Variants in MIPOL1 observed in about 807,000 individuals in gnomAD.
MIPOL1 encodes the protein mirror-image polydactyly gene 1 protein.
A neutral mutation model predicts 60.9 loss-of-function variants in MIPOL1; 57 were observed. The ratio of observed to expected loss-of-function variants is 0.94; its 90% confidence interval spans 0.76 to 1.17. The LOEUF is 1.17. Ranked by LOEUF, MIPOL1 falls within the 50% of genes most tolerant of loss-of-function variation. The pLI is 0.00. For missense variants in MIPOL1, 551 were observed against 511.6 expected (o/e 1.08, Z -0.74); for synonymous variants, 179 against 168.8 (o/e 1.06, Z -0.47).
At position 37,458,305 on chromosome 14, in the gene MIPOL1, T is replaced by C. The variant is rs139298949; in HGVS notation, c.1031+35356T>C. 6.0e-4 allele frequency among the ~76,000 whole-genome samples: 92 copies of C among 152,306 alleles called. No individual in the cohort carries two copies. In the Middle Eastern group the frequency reaches 0.014, roughly 23 times the overall value. On this transcript the variant is annotated intron_variant, in intron 11 of 12. Transcript: ENST00000684589. ...GAAATTCTGGGCTTAAGCTAAGCTC[T>C]AGACCAAATGAAACTAATAGACATT...
At chr14:37,324,542 A>G (rs1484704139) in intron 9 of MIPOL1, among the ~76,000 whole-genome samples, 3 of 152,076 alleles carry the variant, frequency 2.0e-5, no homozygotes, top group Admixed American at 2.0e-4. Context: ...TCTTAATACC[A>G]TCTTTTGATG....
intron 9 of MIPOL1, among the ~76,000 whole-genome samples, chr14:37,368,243 T>G (rs2092538015): frequency 6.6e-6 from 1 of 152,102 alleles, no homozygotes; most frequent in South Asian, 2.1e-4. Flanking sequence ...TATAATTGTA[T>G]TATATATGTA....
At chr14:37,430,499 T>C (rs2094041780) in intron 11 of MIPOL1, among the ~76,000 whole-genome samples, 1 of 61,750 alleles carries the variant, frequency 1.6e-5, no homozygotes, top group Non-Finnish European at 5.7e-5. Context: ...AAAATTAAAA[T>C]AGTTTTTTTT....
intron 10 of MIPOL1, among the ~76,000 whole-genome samples, chr14:37,382,218 T>A (rs1232752325): frequency 6.6e-6 from 1 of 152,074 alleles, no homozygotes; most frequent in Non-Finnish European, 1.5e-5. Flanking sequence ...ATAAGTGATA[T>A]ATTAAATTCT....
Position 37,270,424 on chromosome 14 carries a change from A to C in MIPOL1, c.392A>C (p.Gln131Pro). The change falls in exon 6 of 13, where the codon CAG becomes CCG. Residue 131 changes from glutamine (Q) to proline (P), a missense_variant. Coordinates refer to ENST00000684589, the MANE Select transcript of MIPOL1 (RefSeq NM_001388067.1). ...DILRTSNKKL[Q>P]QKLAKEDKEQ... is the part of the protein sequence containing the mutation. The stretch of plus-strand genomic sequence containing the variant: ...ATTTTTTTCAATGTGCTTTAGCTTC[A>C]GCAGAAATTGGCTAAAGAAGATAAA... 6.4e-7 allele frequency: 1 copy of C among 1,553,606 alleles called. No individual in the cohort carries two copies. The highest frequency in any genetic ancestry group is 1.2e-5 in the South Asian group (1 of 83,510).
chr14:37,225,563 CAG>C (rs1969569368), intron 1 of MIPOL1, among the ~76,000 whole-genome samples: 1 of 152,208 alleles, frequency 6.6e-6, no homozygotes, highest in African/African-American at 2.4e-5. Context: ...AACTGGGACA[CAG>C]GGCACCAAGT....
At position 37,551,137 on chromosome 14, in the gene MIPOL1, T is replaced by G. The variant is rs1440849102; in HGVS notation, c.*4166T>G. 9 of 152,130 alleles carry G rather than the reference T, an allele frequency of 5.9e-5. No homozygotes were observed. The East Asian group carries it at 1.7e-3, about 29-fold the overall frequency. The allele number at this position is 152,130 out of a possible 1,614,324, so 9.4% of individuals were successfully genotyped here. A position where few individuals can be genotyped will look rare whatever the true frequency, so the allele number is the denominator to read the frequency against. ...TATAGTTTTGGTGTATGCTGGTATT[T>G]TAGAAGCCACCAATTTCTGGACTAT... On this transcript the variant is annotated 3_prime_UTR_variant, in exon 13 of 13. Transcript: ENST00000684589.
intron 9 of MIPOL1, among the ~76,000 whole-genome samples, chr14:37,328,052 G>A (rs749102925): frequency 3.0e-4 from 45 of 151,588 alleles, no homozygotes; most frequent in Non-Finnish European, 4.9e-4. Flanking sequence ...CGCTCTTGTT[G>A]CCCAGGCTGG....
chr14:37,543,024 T>G (rs2095535520), intron 12 of MIPOL1, among the ~76,000 whole-genome samples: 1 of 152,030 alleles, frequency 6.6e-6, no homozygotes, highest in Non-Finnish European at 1.5e-5. Flanking sequence ...CCAGCGAAAA[T>G]CTACTGTTCT....
chr14:37,534,078 CAAAAAAAA>C (rs564604002), intron 12 of MIPOL1, among the ~76,000 whole-genome samples: 2 of 69,444 alleles, frequency 2.9e-5, no homozygotes, highest in Non-Finnish European at 7.3e-5. Flanking sequence ...GACTCCATCT[CAAAAAAAA>C]AAAAAAAAAG....
chr14:37,273,258 T>G (rs937132136), intron 6 of MIPOL1, among the ~76,000 whole-genome samples: 8 of 151,002 alleles, frequency 5.3e-5, no homozygotes, highest in South Asian at 2.1e-4. Context: ...GAGGCAAATG[T>G]TGGTGGTCTT....
At chr14:37,469,957 T>C (rs1048943174) in intron 11 of MIPOL1, among the ~76,000 whole-genome samples, 1 of 152,024 alleles carries the variant, frequency 6.6e-6, no homozygotes, top group Admixed American at 6.5e-5. Context: ...TGGACTAAGA[T>C]GGGGATGGAA....
chr14:37,253,531 T>TA (rs1037702421), intron 3 of MIPOL1, among the ~76,000 whole-genome samples: 3 of 151,548 alleles, frequency 2.0e-5, no homozygotes, highest in South Asian at 4.2e-4. Flanking sequence ...ATACATAAAA[T>TA]AAAAAAAATT....
intron 10 of MIPOL1, among the ~76,000 whole-genome samples, chr14:37,411,134 A>G (rs2093674965): frequency 6.6e-6 from 1 of 152,172 alleles, no homozygotes; most frequent in Non-Finnish European, 1.5e-5. Flanking sequence ...TCAGACAAAC[A>G]CTATTCAAAA....
intron 11 of MIPOL1, among the ~76,000 whole-genome samples, chr14:37,493,332 G>T (rs1386854131): frequency 6.6e-6 from 1 of 152,124 alleles, no homozygotes; most frequent in Non-Finnish European, 1.5e-5. Context: ...CATATAAGTG[G>T]CTCATAAACC....
At chr14:37,297,864 A>C (rs2085917343) in intron 7 of MIPOL1, among the ~76,000 whole-genome samples, 1 of 152,286 alleles carries the variant, frequency 6.6e-6, no homozygotes, top group Middle Eastern at 3.4e-3. Context: ...CAATATCATG[A>C]AAATGGCCAT....
At chr14:37,361,047 T>A (rs926806782) in intron 9 of MIPOL1, among the ~76,000 whole-genome samples, 1 of 152,182 alleles carries the variant, frequency 6.6e-6, no homozygotes, top group African/African-American at 2.4e-5. Flanking sequence ...TCAAAGAACA[T>A]CTTTGTTTCT....
At chr14:37,359,062 T>C (rs1300932183) in intron 9 of MIPOL1, among the ~76,000 whole-genome samples, 2 of 152,202 alleles carry the variant, frequency 1.3e-5, no homozygotes. Flanking sequence ...GGCTAGCCAG[T>C]TTTCCCAGCA....
chr14:37,246,972 A>G (rs542724381), intron 1 of MIPOL1, 131 bp from the exon 2 acceptor site: 61 of 152,184 alleles, frequency 4.0e-4, no homozygotes, highest in Admixed American at 9.8e-4. Context: ...TGTATTTTCT[A>G]CATGTCTTGG....
Sources: gnomAD v4.1 joint callset for allele counts (sites outside exome capture counted in the v4.1 genomes callset) on GRCh38, gnomAD v4.1.1 for gene constraint, MANE v1.5 for transcripts, NCBI Gene and HGNC (gene_info 2026-07-23, HGNC 2026-07-21) for gene names.